GPR85: variants seen among roughly 807,000 people sequenced by gnomAD.
GPR85 encodes G protein-coupled receptor 85.
A neutral mutation model predicts 21.3 loss-of-function variants in GPR85; 7 were observed. The ratio of observed to expected loss-of-function variants is 0.33; its 90% CI spans 0.19 to 0.62. GPR85 has a LOEUF of 0.62. GPR85 is among the 20% of genes least tolerant of loss of function. The pLI, the probability that GPR85 is intolerant of heterozygous loss-of-function variation, is 0.80. For missense variants in GPR85, 299 were observed against 443.8 expected (o/e 0.67, Z 2.93); for synonymous variants, 167 against 166.1 (o/e 1.01, Z -0.04).
intron 1 of GPR85, 94 bp from the exon 2 acceptor site, chr7:113,086,203 C>CACACACACACAGAG (rs1794275186): frequency 8.2e-5 from 2 of 24,448 alleles, no homozygotes; most frequent in Non-Finnish European, 5.4e-4. Context: ...CAGAGACACA[C>CACACACACACAGAG]ACACACACAC....
rs1183939557 is a variant in GPR85 at position 113,086,396 on chromosome 7, CTTTTTTTTTTTTTTTTTTTTGTTTTTTGT to C, written c.-392_-364del. 4.8e-4 allele frequency: 23 copies of C among 48,066 alleles called. No individual in the cohort carries two copies. Among genetic ancestry groups the C allele is most frequent in the Admixed American group, 1.4e-3 (4 of 2,774 alleles). The allele number at this position is 48,066 out of a possible 1,614,324, so 3.0% of individuals were successfully genotyped here. A position where few individuals can be genotyped will look rare whatever the true frequency, so the allele number is the denominator to read the frequency against. On this transcript the variant is annotated 5_prime_UTR_variant, in exon 1 of 3. The change creates a premature stop within an existing upstream ORF in the 5' untranslated region. Coordinates refer to ENST00000424100, the MANE Select transcript of GPR85 (RefSeq NM_001146267.2). ...CTGATTTTTTTCTTTTTTTCTTTTT[CTTTTTTTTTTTTTTTTTTTTGTTTTTTGT>C]TTTTTTTTTTTTTTTTTTTGCCTTA...
At position 113,086,430 on chromosome 7, in the gene GPR85, T is replaced by TTTTTTTTTTTTTTTTTTTTG. The variant is rs1794301281; in HGVS notation, c.-398_-397insCAAAAAAAAAAAAAAAAAAA. 8.4e-5 allele frequency: 9 copies of TTTTTTTTTTTTTTTTTTTTG among 106,550 alleles called. 1 individual carries two copies. Among genetic ancestry groups the TTTTTTTTTTTTTTTTTTTTG allele is most frequent in the African/African-American group, 2.7e-4 (7 of 26,140 alleles). The allele number at this position is 106,550 out of a possible 1,614,324, so 6.6% of individuals were successfully genotyped here. On this transcript the variant is annotated 5_prime_UTR_variant, in exon 1 of 3. It removes the in-frame stop codon of an upstream open reading frame in the 5' UTR. Coordinates refer to ENST00000424100, the MANE Select transcript of GPR85 (RefSeq NM_001146267.2). ...TTTTTTTTTTTTGTTTTTTGTTTTT[T>TTTTTTTTTTTTTTTTTTTTG]TTTTTTTTTTTTTTGCCTTAGTGCC...
rs1794160756 is a variant in GPR85 at position 113,082,371 on chromosome 7, C to T, written c.*1238G>A. The T allele has an allele frequency of 6.6e-6, 1 of 152,354 alleles. No homozygotes were observed. The highest frequency in any genetic ancestry group is 1.9e-4 in the East Asian group (1 of 5,186). 9.4% of individuals were successfully genotyped at this position (152,354 alleles called of 1,614,324 possible). On this transcript the variant is annotated 3_prime_UTR_variant, in exon 3 of 3. Transcript: ENST00000424100. ...CAGACTCTAATGTATTTCTAAAATA[C>T]CAGAAATCATAATATAAGCTTTCAC...
intron 2 of GPR85, 100 bp from the exon 3 acceptor site, chr7:113,084,991 A>C (rs1231648490): frequency 9.0e-6 from 3 of 332,426 alleles, no homozygotes; most frequent in Non-Finnish European, 1.7e-5. Context: ...AAGCAAATAA[A>C]GTTTTAATTT....
chr7:113,083,507 C>T lies in GPR85; in HGVS notation c.*102G>A. On this transcript the variant is annotated 3_prime_UTR_variant, in exon 3 of 3. Coordinates refer to ENST00000424100, the MANE Select transcript of GPR85 (RefSeq NM_001146267.2). The surrounding 1 kb of genome is among the most constrained non-coding windows in gnomAD (Gnocchi z 4.4). The stretch of plus-strand genomic sequence containing the variant: ...AATGTTGCCCAAATCCTTAAAACTG[C>T]TGATTCCATTCTTGAATTTCTTCTC... 9.4e-7 allele frequency: 1 copy of T among 1,061,044 alleles called. No homozygotes were observed. Among genetic ancestry groups the T allele is most frequent in the East Asian group, 2.4e-5 (1 of 42,176 alleles). The allele number at this position is 1,061,044 out of a possible 1,614,324, so 65.7% of individuals were successfully genotyped here.
chr7:113,084,738 A>G lies in GPR85; in HGVS notation c.-17T>C, dbSNP rs758087214. 2.5e-6 allele frequency: 4 copies of G among 1,594,942 alleles called. No homozygotes were observed. Among genetic ancestry groups the G allele is most frequent in the Admixed American group, 1.7e-5 (1 of 59,224 alleles). On this transcript the variant is annotated 5_prime_UTR_variant, in exon 3 of 3. Transcript: ENST00000424100. Reference sequence around the variant, plus strand: ...GTTCGCCATAGATGGATGGAGGATAAGGATACAGCCTCAGTCAAGTCTCAT... The same window carrying G: ...GTTCGCCATAGATGGATGGAGGATAGGGATACAGCCTCAGTCAAGTCTCAT...
chr7:113,084,062 A>C lies in GPR85; in HGVS notation c.660T>G (p.Phe220Leu). 1 of 1,614,174 alleles carries C rather than the reference A, an allele frequency of 6.2e-7. No individual in the cohort carries two copies. The highest frequency in any genetic ancestry group is 1.1e-5 in the South Asian group (1 of 91,084). Residue 220 changes from phenylalanine to leucine, a missense_variant, in exon 3 of 3, where the codon TTT becomes TTG. By Grantham distance (22) the Phe-to-Leu change is conservative. Coordinates refer to ENST00000424100, the MANE Select transcript of GPR85 (RefSeq NM_001146267.2). The stretch of plus-strand genomic sequence containing the variant: ...TCCAGTTCTGGCTGACTGCTGCTAC[A>C]AACTGGACTGGCTTCATTTTTCTTC... ...HDRRKMKPVQ[F>L]VAAVSQNWTF...
chr7:113,086,564 G>A lies in GPR85; in HGVS notation c.-531C>T, dbSNP rs1176504336. 1 of 155,138 alleles carries A rather than the reference G, an allele frequency of 6.4e-6. No homozygotes were observed. The highest frequency in any genetic ancestry group is 2.4e-5 in the African/African-American group (1 of 41,192). The allele number at this position is 155,138 out of a possible 1,614,324, so 9.6% of individuals were successfully genotyped here. A position where few individuals can be genotyped will look rare whatever the true frequency, so the allele number is the denominator to read the frequency against. ...CGGCACCGTCTCCCCCAGTAACGCA[G>A]GGGCCGCGGCGGCGGCGGCTGCGGT... is the stretch of plus-strand genomic sequence containing the variant. On this transcript the variant is annotated 5_prime_UTR_variant, in exon 1 of 3. Transcript: ENST00000424100.
rs748004153 is a variant in GPR85 at position 113,084,353 on chromosome 7, G to A, written c.369C>T (p.Ile123=). Residue 123 remains isoleucine (I), a synonymous_variant, in exon 3 of 3, where the codon ATC becomes ATT. Transcript: ENST00000424100. ...TCTTTGTATAGAAGCGGTGATGGGCGATAGCTAAATATCTGGTGACACTGA... is the reference window on the plus strand; with the variant it reads ...TCTTTGTATAGAAGCGGTGATGGGCAATAGCTAAATATCTGGTGACACTGA... ...FCISVTRYLA[I]AHHRFYTKRL... 9.3e-6 allele frequency: 15 copies of A among 1,613,992 alleles called. No homozygotes were observed. In the African/African-American group the frequency reaches 1.1e-4, roughly 11 times the overall value.
rs869225759 is a variant in GPR85 at position 113,086,396 on chromosome 7, C to CTTTTTTTTTTTTTTTTTTTTTCTTTT, written c.-364_-363insAAAAGAAAAAAAAAAAAAAAAAAAAA. ...CTGATTTTTTTCTTTTTTTCTTTTT[C>CTTTTTTTTTTTTTTTTTTTTTCTTTT]TTTTTTTTTTTTTTTTTTTTGTTTT... On this transcript the variant is annotated 5_prime_UTR_variant, in exon 1 of 3. An upstream open reading frame in the 5' UTR loses its in-frame stop. Coordinates refer to ENST00000424100, the MANE Select transcript of GPR85 (RefSeq NM_001146267.2). The CTTTTTTTTTTTTTTTTTTTTTCTTTT allele has an allele frequency of 2.1e-5, 1 of 48,066 alleles. No homozygotes were observed. Among genetic ancestry groups the CTTTTTTTTTTTTTTTTTTTTTCTTTT allele is most frequent in the Non-Finnish European group, 3.6e-5 (1 of 28,132 alleles). The allele number at this position is 48,066 out of a possible 1,614,324, so 3.0% of individuals were successfully genotyped here. A position where few individuals can be genotyped will look rare whatever the true frequency, so the allele number is the denominator to read the frequency against.
Position 113,083,878 on chromosome 7 carries a change from T to G in GPR85, c.844A>C (p.Arg282=). ...LVLDEFKMEK[R]ISRMFYIMTF... ...ATTATATAGAACATTCTGCTGATTC[T>G]TTTCTCCATTTTGAACTCGTCTAAG... The change falls in exon 3 of 3, where the codon AGA becomes CGA. Residue 282 remains arginine, a synonymous_variant. Coordinates refer to ENST00000424100, the MANE Select transcript of GPR85 (RefSeq NM_001146267.2). The surrounding 1 kb of genome is among the most constrained non-coding windows in gnomAD (Gnocchi z 4.4). 1.2e-6 allele frequency: 2 copies of G among 1,614,218 alleles called. No homozygotes were observed. Among genetic ancestry groups the G allele is most frequent in the Non-Finnish European group, 1.7e-6 (2 of 1,180,034 alleles).
In GPR85 at chr7:113,086,399, T is replaced by TTTTTTTTTTTTTTTTG. The variant is rs1584560143; in HGVS notation, c.-367_-366insCAAAAAAAAAAAAAAA. 1.1e-3 allele frequency: 39 copies of TTTTTTTTTTTTTTTTG among 35,050 alleles called. 2 individuals are homozygous for TTTTTTTTTTTTTTTTG. Among genetic ancestry groups the TTTTTTTTTTTTTTTTG allele is most frequent in the Admixed American group, 2.9e-3 (8 of 2,720 alleles). 2.2% of individuals were successfully genotyped at this position (35,050 alleles called of 1,614,324 possible). On this transcript the variant is annotated 5_prime_UTR_variant, in exon 1 of 3. The change abolishes the stop of an existing upstream ORF in the 5' untranslated region. Coordinates refer to ENST00000424100, the MANE Select transcript of GPR85 (RefSeq NM_001146267.2). ...ATTTTTTTCTTTTTTTCTTTTTCTT[T>TTTTTTTTTTTTTTTTG]TTTTTTTTTTTTTTTTTGTTTTTTG...
In GPR85 at chr7:113,084,342, C is replaced by T. The variant is rs748949997; in HGVS notation, c.380G>A (p.Arg127His). Residue 127 changes from arginine (R) to histidine (H), a missense_variant, in exon 3 of 3, where the codon CGC becomes CAC. Arg to His is a conservative substitution (Grantham distance 29). Coordinates refer to ENST00000424100, the MANE Select transcript of GPR85 (RefSeq NM_001146267.2). ...VTRYLAIAHH[R>H]FYTKRLTFWT... ...AAAGGTCAGCCTCTTTGTATAGAAG[C>T]GGTGATGGGCGATAGCTAAATATCT... is the stretch of plus-strand genomic sequence containing the variant. 9.3e-6 allele frequency: 15 copies of T among 1,613,918 alleles called. No homozygotes were observed. The highest frequency in any genetic ancestry group is 1.7e-5 in the Admixed American group (1 of 59,994).
At chr7:113,086,237 G>A in intron 1 of GPR85, 85 bp downstream of exon 1, 1 of 149,526 alleles carries the variant, frequency 6.7e-6, no homozygotes, top group Non-Finnish European at 1.5e-5. Flanking sequence ...CTGAGGGAGG[G>A]CTCTTTCTCG....
At position 113,086,405 on chromosome 7, in the gene GPR85, T is replaced by TTTTTTTTTG. The variant is rs1794290759; in HGVS notation, c.-373_-372insCAAAAAAAA. ...TTCTTTTTTTCTTTTTCTTTTTTTT[T>TTTTTTTTTG]TTTTTTTTTTTGTTTTTTGTTTTTT... On this transcript the variant is annotated 5_prime_UTR_variant, in exon 1 of 3. Transcript: ENST00000424100. 2.1e-5 allele frequency: 2 copies of TTTTTTTTTG among 94,708 alleles called. No homozygotes were observed. The highest frequency in any genetic ancestry group is 4.5e-5 in the African/African-American group (1 of 22,266). The allele number at this position is 94,708 out of a possible 1,614,324, so 5.9% of individuals were successfully genotyped here. A position where few individuals can be genotyped will look rare whatever the true frequency, so the allele number is the denominator to read the frequency against.
At position 113,086,390 on chromosome 7, in the gene GPR85, C is replaced by CTTTTTTTTTTTTTTTTTTTTTT. The variant is rs1794280731; in HGVS notation, c.-358_-357insAAAAAAAAAAAAAAAAAAAAAA. On this transcript the variant is annotated 5_prime_UTR_variant, in exon 1 of 3. An upstream open reading frame in the 5' UTR loses its in-frame stop. Transcript: ENST00000424100. ...AAATTGCTGATTTTTTTCTTTTTTTCTTTTTCTTTTTTTTTTTTTTTTTTT... is the reference window on the plus strand; with the variant it reads ...AAATTGCTGATTTTTTTCTTTTTTTCTTTTTTTTTTTTTTTTTTTTTTTTTTTCTTTTTTTTTTTTTTTTTTT... The CTTTTTTTTTTTTTTTTTTTTTT allele has an allele frequency of 1.2e-4, 3 of 25,294 alleles. No homozygotes were observed. Among genetic ancestry groups the CTTTTTTTTTTTTTTTTTTTTTT allele is most frequent in the Admixed American group, 5.2e-4 (1 of 1,920 alleles). The allele number at this position is 25,294 out of a possible 1,614,324, so 1.6% of individuals were successfully genotyped here.
rs1211228108 is a variant in GPR85, at chr7:113,082,960, A to T, written c.*649T>A. On this transcript the variant is annotated 3_prime_UTR_variant, in exon 3 of 3. Transcript: ENST00000424100. ...AATACAGTTCAATGCTAGCAATCTT[A>T]CTAGTAGATGAGGAAAGTGGTATTT... is the stretch of plus-strand genomic sequence containing the variant. 1.3e-5 allele frequency: 2 copies of T among 152,624 alleles called. No individual in the cohort carries two copies. The highest frequency in any genetic ancestry group is 2.9e-5 in the Non-Finnish European group (2 of 68,032). The allele number at this position is 152,624 out of a possible 1,614,324, so 9.5% of individuals were successfully genotyped here.
In GPR85 at chr7:113,086,433, T is replaced by TTTTTTTTTTTTTTTG. The variant is rs1794304003; in HGVS notation, c.-401_-400insCAAAAAAAAAAAAAA. On this transcript the variant is annotated 5_prime_UTR_variant, in exon 1 of 3. Coordinates refer to ENST00000424100, the MANE Select transcript of GPR85 (RefSeq NM_001146267.2). The stretch of plus-strand genomic sequence containing the variant: ...TTTTTTTTTGTTTTTTGTTTTTTTT[T>TTTTTTTTTTTTTTTG]TTTTTTTTTTTGCCTTAGTGCCTTG... The TTTTTTTTTTTTTTTG allele has an allele frequency of 8.5e-6, 1 of 117,118 alleles. No individual in the cohort carries two copies. Among genetic ancestry groups the TTTTTTTTTTTTTTTG allele is most frequent in the South Asian group, 3.1e-4 (1 of 3,246 alleles). The allele number at this position is 117,118 out of a possible 1,614,324, so 7.3% of individuals were successfully genotyped here.
chr7:113,087,724 T>C (rs1794344353), upstream of GPR85: 1 of 152,254 alleles, frequency 6.6e-6, no homozygotes, highest in Non-Finnish European at 1.5e-5. Flanking sequence ...TTCTCTACAG[T>C]AATAATCTGA....
Sources: allele counts gnomAD v4.1 joint callset, GRCh38; gene constraint gnomAD v4.1.1; non-coding constraint Gnocchi (gnomAD v3.1); transcripts MANE v1.5; gene names NCBI Gene and HGNC (gene_info 2026-07-23, HGNC 2026-07-21).